Variants in ITFG2 observed in about 807,000 individuals in gnomAD.
ITFG2 encodes integrin alpha FG-GAP repeat containing 2.
A neutral mutation model predicts 54.4 loss-of-function variants in ITFG2; 36 were observed. The ratio of observed to expected loss-of-function variants is 0.66; its 90% CI spans 0.51 to 0.87. The LOEUF is 0.87. Ranked by LOEUF, ITFG2 falls within the 40% of genes least tolerant of loss-of-function variation. The probability of loss-of-function intolerance (pLI) is 0.00; values close to 1 mark genes in which losing one functional copy is unlikely to be tolerated. For synonymous variants in ITFG2, 211 were observed against 225.4 expected (o/e 0.94, Z 0.57); for missense variants, 524 against 576.7 (o/e 0.91, Z 0.94).
At chr12:2,830,156 T>G (rs1374996465) in intron 2 of ITFG2, 1 of 152,074 alleles carries the variant, frequency 6.6e-6, no homozygotes, top group Non-Finnish European at 1.5e-5. Flanking sequence ...TGTTTCCTAC[T>G]GGGGAAATCA....
chr12:2,823,969 C>T (rs377628518), intron 11 of ITFG2, 26 bp downstream of exon 11: 52 of 1,610,988 alleles, frequency 3.2e-5, no homozygotes, highest in Middle Eastern at 1.7e-4. Context: ...GCCAGTGGCC[C>T]GAGTGCCCAG....
Position 2,845,586 on chromosome 12 carries a change from T to TC in ITFG2, n.300+4593dup, listed in dbSNP as rs1324898317. ...CTTCCTTTGCTGGGATTAACTGTTGTCCGTGAAGCTGGTGGCATTCAGCAG... is the reference window on the plus strand; with the variant it reads ...CTTCCTTTGCTGGGATTAACTGTTGTCCCGTGAAGCTGGTGGCATTCAGCAG... On this transcript the variant is annotated intron_variant and non_coding_transcript_variant, in intron 2 of 3. Coordinates refer to the ITFG2 transcript ENST00000537710. This position sits in a 1 kb window ranked among gnomAD's most constrained non-coding sequence, Gnocchi z 4.2. 2.0e-5 allele frequency among the ~76,000 whole-genome samples: 3 copies of TC among 152,120 alleles called. No individual in the cohort carries two copies. Among genetic ancestry groups the TC allele is most frequent in the Non-Finnish European group, 4.4e-5 (3 of 68,010 alleles).
Position 2,859,696 on chromosome 12 carries a change from G to A in ITFG2, n.783G>A, listed in dbSNP as rs538516824. On this transcript the variant is annotated non_coding_transcript_exon_variant, in exon 4 of 4. Transcript: ENST00000537710. The stretch of plus-strand genomic sequence containing the variant: ...GGAAACAGAGATAAGGTGAACCAAC[G>A]GTCACCAGACAGGACGCACAAAAAT... The A allele has an allele frequency of 1.8e-5, 28 of 1,539,256 alleles. 1 individual carries two copies. The highest frequency in any genetic ancestry group is 1.5e-4 in the South Asian group (13 of 85,080).
upstream of ITFG2, chr12:2,834,535 A>T: frequency 6.9e-7 from 1 of 1,447,086 alleles, no homozygotes; most frequent in Non-Finnish European, 9.2e-7. Context: ...AGGGAGCGGG[A>T]CCTGAAAGCT....
chr12:2,858,860 G>A, intron 3 of ITFG2: 2 of 1,614,144 alleles, frequency 1.2e-6, no homozygotes, highest in Non-Finnish European at 1.7e-6. Context: ...GAGAAGAGTT[G>A]CCAAAGGGGA....
chr12:2,836,647 C>T (rs118184834), upstream of ITFG2: 2,838 of 152,312 alleles, frequency 0.019, 28 homozygotes, highest in Non-Finnish European at 0.027. Flanking sequence ...CCTCAGAAGG[C>T]GACCTCATTT....
intron 3 of ITFG2, chr12:2,858,598 G>A (rs960643592): frequency 6.3e-7 from 1 of 1,576,226 alleles, no homozygotes; most frequent in African/African-American, 1.3e-5. Flanking sequence ...GGAGTGCCCG[G>A]GATGGTGGAC....
upstream of ITFG2, among the ~76,000 whole-genome samples, chr12:2,836,149 A>G (rs2098027123): frequency 6.6e-6 from 1 of 152,234 alleles, no homozygotes; most frequent in Admixed American, 6.5e-5. Flanking sequence ...TAGGAGTGGA[A>G]TTGCTGGGGC....
At chr12:2,831,823 C>A (rs1287199017), upstream of ITFG2, among the ~76,000 whole-genome samples, 3 of 152,018 alleles carry the variant, frequency 2.0e-5, no homozygotes, top group African/African-American at 7.2e-5. Flanking sequence ...ACTCTAATTC[C>A]TTGGCTCAAG....
intron 2 of ITFG2, among the ~76,000 whole-genome samples, chr12:2,852,634 G>A (rs2098074703): frequency 1.3e-5 from 2 of 151,956 alleles, no homozygotes; most frequent in African/African-American, 4.8e-5. Flanking sequence ...CAAAGTGTTG[G>A]GATTACAGGC....
chr12:2,832,321 C>A (rs2098007369), upstream of ITFG2, among the ~76,000 whole-genome samples: 1 of 152,024 alleles, frequency 6.6e-6, no homozygotes, highest in African/African-American at 2.4e-5. Flanking sequence ...GTCCACATGA[C>A]CGGGCCGTGC....
downstream of ITFG2, chr12:2,828,296 C>G: frequency 6.3e-7 from 1 of 1,578,470 alleles, no homozygotes; most frequent in Non-Finnish European, 8.7e-7. Flanking sequence ...AAAAGAAACC[C>G]TGTCCCCCAC....
chr12:2,852,171 A>C (rs552812535), intron 2 of ITFG2, among the ~76,000 whole-genome samples: 1 of 152,252 alleles, frequency 6.6e-6, no homozygotes, highest in East Asian at 1.9e-4. Flanking sequence ...CTGGGGACCT[A>C]ATTCCTTGTC....
downstream of ITFG2, chr12:2,828,566 G>A (rs908623998): frequency 6.8e-5 from 45 of 659,498 alleles, no homozygotes; most frequent in East Asian, 5.8e-4. Flanking sequence ...GGGGCCAGGC[G>A]CGGTAGCTCA....
intron 2 of ITFG2, among the ~76,000 whole-genome samples, chr12:2,850,214 A>G (rs1401548884): frequency 1.3e-5 from 2 of 152,110 alleles, no homozygotes; most frequent in Non-Finnish European, 2.9e-5. Context: ...AGTGGCTCAC[A>G]CCTGTAATCC....
At chr12:2,832,835 C>A (rs542743601), upstream of ITFG2, among the ~76,000 whole-genome samples, 1 of 150,822 alleles carries the variant, frequency 6.6e-6, no homozygotes, top group East Asian at 2.0e-4. Flanking sequence ...CCTTGGGATC[C>A]TGGGATTGTT....
chr12:2,820,802 A>T lies in ITFG2; in HGVS notation c.625A>T (p.Ile209Phe), dbSNP rs148451445. Residue 209 changes from isoleucine (I) to phenylalanine (F), a missense_variant, in exon 6 of 12, where the codon ATT (isoleucine) becomes TTT (phenylalanine). Coordinates refer to ENST00000228799, the MANE Select transcript of ITFG2 (RefSeq NM_018463.4). The stretch of plus-strand genomic sequence containing the variant: ...GTCTCAGCCAGGTTGTGCGTATGCA[A>T]TTCTACTGTGTACCTGGAAAAAGGA... ...MVSQPGCAYA[I>F]LLCTWKKDTG... 2 of 1,613,900 alleles carry T rather than the reference A, an allele frequency of 1.2e-6. No individual in the cohort carries two copies. Among genetic ancestry groups the T allele is most frequent in the African/African-American group, 1.3e-5 (1 of 74,874 alleles).
intron 2 of ITFG2, among the ~76,000 whole-genome samples, chr12:2,846,004 C>G (rs1305808783): frequency 6.6e-6 from 1 of 152,168 alleles, no homozygotes; most frequent in East Asian, 1.9e-4. Flanking sequence ...ACCTGCCTGG[C>G]TGGGGGTTGC....
chr12:2,819,866 A>G, intron 4 of ITFG2: 1 of 422,378 alleles, frequency 2.4e-6, no homozygotes, highest in Non-Finnish European at 4.1e-6. Flanking sequence ...TTTGAGAAGT[A>G]ATATGAAGGC....
Sources: allele counts gnomAD v4.1 joint callset (sites outside exome capture counted in the v4.1 genomes callset), GRCh38; gene constraint gnomAD v4.1.1; non-coding constraint Gnocchi (gnomAD v3.1); transcripts MANE v1.5; gene names NCBI Gene and HGNC (gene_info 2026-07-23, HGNC 2026-07-21).